The following MED14 variants were observed in gnomAD, a reference collection of about 807,000 sequenced individuals.
MED14 encodes the protein mediator complex subunit 14, also known as mediator of RNA polymerase II transcription subunit 14.
A neutral mutation model predicts 109.0 loss-of-function variants in MED14; 8 were observed. That is an observed-to-expected ratio of 0.07 (90% CI 0.04 to 0.13). The LOEUF (loss-of-function observed/expected upper bound fraction) is 0.13, where lower values mean the gene tolerates loss of function less well. Ranked by LOEUF, MED14 falls within the 10% of genes least tolerant of loss-of-function variation. The probability of loss-of-function intolerance (pLI) is 1.00; values close to 1 mark genes in which losing one functional copy is unlikely to be tolerated. For synonymous variants in MED14, 399 were observed against 408.7 expected (o/e 0.98, Z 0.29); for missense variants, 711 against 1,142.4 (o/e 0.62, Z 5.44).
chrX:40,657,831 G>A (rs182922582), intron 28 of MED14, among the ~76,000 whole-genome samples: 8 of 111,891 alleles, frequency 7.1e-5, no homozygotes, highest in East Asian at 5.6e-4. Flanking sequence ...TCACTCGGTC[G>A]TCCAGGTTGG....
At chrX:40,655,705 A>C (rs1264469253) in intron 28 of MED14, among the ~76,000 whole-genome samples, 1 of 112,315 alleles carries the variant, frequency 8.9e-6, no homozygotes, top group African/African-American at 3.2e-5. Flanking sequence ...TACTCCTTTA[A>C]AAATTCAAAT....
intron 23 of MED14, among the ~76,000 whole-genome samples, chrX:40,667,530 G>A (rs1431437459): frequency 1.8e-5 from 2 of 111,969 alleles, no homozygotes; most frequent in Non-Finnish European, 3.8e-5. Context: ...AGTGGGAAGA[G>A]AGGACACCAG....
chrX:40,714,851 T>C (rs977060850), intron 3 of MED14, 141 bp from the exon 4 acceptor site: 2 of 515,651 alleles, frequency 3.9e-6, no homozygotes, highest in African/African-American at 4.8e-5. Context: ...CTTCAAATAT[T>C]CTCCAGTAAC....
rs1262100536 is a variant in MED14, at chrX:40,709,427, A to C, written c.1206T>G (p.Ile402Met). Residue 402 changes from isoleucine to methionine, a missense_variant, in exon 10 of 31, where the codon ATT becomes ATG. Physicochemically the swap from Ile to Met is conservative, Grantham distance 10. Coordinates refer to ENST00000324817, the MANE Select transcript of MED14 (RefSeq NM_004229.4). ...IDHLSIEKLL[I>M]DSVHARAHQK... The stretch of plus-strand genomic sequence containing the variant: ...GATGAGCTCTTGCATGGACACTGTC[A>C]ATCAGGAGTTTTTCTATTGATAAGT... The C allele has an allele frequency of 8.8e-7, 1 of 1,139,423 alleles. No homozygotes were observed. The highest frequency in any genetic ancestry group is 1.8e-5 in the African/African-American group (1 of 56,179). The allele number at this position is 1,139,423 out of a possible 1,213,427, so 93.9% of individuals were successfully genotyped here.
intron 15 of MED14, among the ~76,000 whole-genome samples, chrX:40,690,150 A>C (rs1038645283): frequency 1.8e-5 from 2 of 112,278 alleles, no homozygotes; most frequent in African/African-American, 6.5e-5. Context: ...CCAAGAACAC[A>C]GTCAATTACA....
rs5963185 is a variant in MED14, at chrX:40,671,727, T to C, written c.3133+134A>G. 8.8e-3 allele frequency: 3,630 copies of C among 412,894 alleles called. 97 individuals carry two copies. The highest frequency in any genetic ancestry group is 0.082 in the African/African-American group (3,258 of 39,837). The allele number at this position is 412,894 out of a possible 1,213,427, so 34.0% of individuals were successfully genotyped here. ...CCTTCCATAATAAATGAGTGACAAC[T>C]ATCTAGCCATAGACTAGAAAGGGAA... On this transcript the variant is annotated intron_variant, in intron 23 of 30. Transcript: ENST00000324817.
intron 3 of MED14, among the ~76,000 whole-genome samples, chrX:40,716,552 T>C (rs1931527683): frequency 9.4e-6 from 1 of 105,890 alleles, no homozygotes; most frequent in Non-Finnish European, 1.9e-5. Flanking sequence ...ACTGTGCCAC[T>C]GCACTCCAGT....
At chrX:40,712,863 A>G in intron 6 of MED14, 51 bp downstream of exon 6, 1 of 1,052,354 alleles carries the variant, frequency 9.5e-7, no homozygotes, top group Non-Finnish European at 1.3e-6. Flanking sequence ...AATATAAAAA[A>G]TCAAACATTT....
In MED14 at chrX:40,714,570, A is replaced by G; in HGVS notation, c.489T>C (p.Thr163=). 4.1e-6 allele frequency: 5 copies of G among 1,211,927 alleles called. No individual in the cohort carries two copies. The highest frequency in any genetic ancestry group is 5.6e-6 in the Non-Finnish European group (5 of 895,528). Residue 163 remains threonine, a synonymous_variant, in exon 4 of 31, where the codon ACT becomes ACC. Transcript: ENST00000324817. ...AIPYAIDVLT[T]GSYPRLPTCI... The stretch of plus-strand genomic sequence containing the variant: ...AGGTTGGCAGCCGTGGGTAAGATCC[A>G]GTAGTTAGTACATCAATGGCATATG...
intron 3 of MED14, among the ~76,000 whole-genome samples, chrX:40,726,051 AC>A (rs1303324016): frequency 1.8e-5 from 2 of 112,184 alleles, no homozygotes; most frequent in Non-Finnish European, 3.8e-5. Context: ...AATCTGAAAA[AC>A]AATCAAGTTT....
intron 11 of MED14, among the ~76,000 whole-genome samples, chrX:40,702,206 C>T (rs1214612367): frequency 8.9e-6 from 1 of 112,012 alleles, no homozygotes; most frequent in Non-Finnish European, 1.9e-5. Flanking sequence ...ATTTTGTTAA[C>T]GGCAGCCTGA....
At chrX:40,660,814 A>G (rs1467850222) in intron 26 of MED14, among the ~76,000 whole-genome samples, 1 of 113,071 alleles carries the variant, frequency 8.8e-6, no homozygotes, top group African/African-American at 3.2e-5. Flanking sequence ...TTTGAATGCT[A>G]ATTTATTCAA....
At chrX:40,662,824 A>G (rs769675771) in intron 26 of MED14, 101 bp downstream of exon 26, 54 of 563,753 alleles carry the variant, frequency 9.6e-5, no homozygotes, top group Non-Finnish European at 1.3e-4. Context: ...TAAAGGAGGG[A>G]AGGTGAAGGA....
intron 30 of MED14, among the ~76,000 whole-genome samples, chrX:40,653,023 G>T (rs903019600): frequency 2.7e-5 from 3 of 112,360 alleles, no homozygotes; most frequent in African/African-American, 9.7e-5. Flanking sequence ...AACAATTTCT[G>T]AAAAGGAGAA....
chrX:40,688,534 G>C lies in MED14; in HGVS notation c.1981-4C>G, dbSNP rs1930380349. 3.4e-6 allele frequency: 4 copies of C among 1,179,175 alleles called. No individual in the cohort carries two copies. Among genetic ancestry groups the C allele is most frequent in the Non-Finnish European group, 4.6e-6 (4 of 866,840 alleles). ...GTGGAATCTCCAGATTGGACAACTA[G>C]AAAGAGAAAAACAATTATATCAGAC... On this transcript the variant is annotated splice_region_variant and splice_polypyrimidine_tract_variant and intron_variant, in intron 15 of 30. Coordinates refer to ENST00000324817, the MANE Select transcript of MED14 (RefSeq NM_004229.4).
chrX:40,700,296 C>A (rs1458488183), intron 12 of MED14, among the ~76,000 whole-genome samples: 1 of 94,534 alleles, frequency 1.1e-5, no homozygotes, highest in Admixed American at 1.3e-4. Flanking sequence ...GCAGAGGTTG[C>A]AGTGAGCTGA....
intron 1 of MED14, 82 bp downstream of exon 1, chrX:40,735,115 TC>T: frequency 1.4e-6 from 1 of 708,251 alleles, no homozygotes. Flanking sequence ...CAGCAGCCTC[TC>T]GGGGAGAGGG....
intron 26 of MED14, among the ~76,000 whole-genome samples, chrX:40,662,362 C>A (rs1395913993): frequency 9.0e-6 from 1 of 110,981 alleles, no homozygotes; most frequent in Non-Finnish European, 1.9e-5. Context: ...TCCCAAGTAG[C>A]TAGGACTACA....
At position 40,662,795 on chromosome X, in the gene MED14, A is replaced by G. The variant is rs182096473; in HGVS notation, c.3684+130T>C. 7.3e-4 allele frequency: 358 copies of G among 492,762 alleles called. 1 individual carries two copies. Among genetic ancestry groups the G allele is most frequent in the South Asian group, 9.3e-4 (27 of 29,086 alleles). 40.6% of individuals were successfully genotyped at this position (492,762 alleles called of 1,213,427 possible). On this transcript the variant is annotated intron_variant, in intron 26 of 30. Coordinates refer to ENST00000324817, the MANE Select transcript of MED14 (RefSeq NM_004229.4). Reference sequence around the variant, plus strand: ...TTAATGCCAGGTTAGGGTGAAAATCATAATTCTAACAAGCTTGTTAAAGGA... The same window carrying G: ...TTAATGCCAGGTTAGGGTGAAAATCGTAATTCTAACAAGCTTGTTAAAGGA...
Sources: allele counts gnomAD v4.1 joint callset (sites outside exome capture counted in the v4.1 genomes callset), GRCh38; gene constraint gnomAD v4.1.1; transcripts MANE v1.5; gene names NCBI Gene and HGNC (gene_info 2026-07-23, HGNC 2026-07-21).